SIPA1L1: variants seen among roughly 807,000 people sequenced by gnomAD.
SIPA1L1 encodes signal induced proliferation associated 1 like 1.
SIPA1L1 carries 26 observed loss-of-function variants against 162.7 expected under a neutral mutation model. The observed-to-expected ratio is 0.16, with a 90% CI of 0.12 to 0.22. The LOEUF (loss-of-function observed/expected upper bound fraction) is 0.22. SIPA1L1 is among the 10% of genes least tolerant of loss of function. The pLI is 1.00. For missense variants in SIPA1L1, 1,874 were observed against 2,241.0 expected, an observed-to-expected ratio of 0.84 and a Z score of 3.31; for synonymous variants, 829 against 837.4, an observed-to-expected ratio of 0.99 and a Z score of 0.17.
At chr14:71,513,721 G>A (rs957869251) in intron 3 of SIPA1L1, among the ~76,000 whole-genome samples, 5 of 152,040 alleles carry the variant, frequency 3.3e-5, no homozygotes, top group Non-Finnish European at 7.4e-5. Flanking sequence ...TCAAACACCC[G>A]AGCTCTAGTG....
intron 4 of SIPA1L1, among the ~76,000 whole-genome samples, chr14:71,564,367 T>C (rs1216588693): frequency 5.5e-5 from 8 of 144,254 alleles, no homozygotes. Context: ...CTTTTTCTTC[T>C]TTTTTTTTTT....
At chr14:71,376,967 CTT>C (rs751394080) in intron 2 of SIPA1L1, among the ~76,000 whole-genome samples, 1 of 152,216 alleles carries the variant, frequency 6.6e-6, no homozygotes, top group Non-Finnish European at 1.5e-5. Flanking sequence ...TCTGATCTCT[CTT>C]TCTTTTCCCC....
intron 16 of SIPA1L1, 34 bp downstream of exon 16, chr14:71,705,374 T>C (rs1270102582): frequency 5.6e-6 from 8 of 1,418,760 alleles, no homozygotes; most frequent in African/African-American, 1.4e-5. Flanking sequence ...AAGTATTAGA[T>C]TCCTAGCAGT....
chr14:71,693,470 G>T (rs1036840294), intron 13 of SIPA1L1, among the ~76,000 whole-genome samples: 11 of 152,082 alleles, frequency 7.2e-5, no homozygotes, highest in Middle Eastern at 3.2e-3. Flanking sequence ...CTGCACTCCA[G>T]CCTGGGAGAC....
At chr14:71,485,965 T>A (rs999996785) in intron 2 of SIPA1L1, among the ~76,000 whole-genome samples, 5 of 152,190 alleles carry the variant, frequency 3.3e-5, no homozygotes, top group Non-Finnish European at 7.3e-5. Context: ...GATCTTTCTG[T>A]TGGCCCTACT....
intron 4 of SIPA1L1, among the ~76,000 whole-genome samples, chr14:71,544,375 TTC>T (rs1399663396): frequency 6.6e-6 from 1 of 152,048 alleles, no homozygotes; most frequent in African/African-American, 2.4e-5. Flanking sequence ...TATATATGAT[TTC>T]TTTGTCAGAT....
intron 13 of SIPA1L1, among the ~76,000 whole-genome samples, chr14:71,692,739 T>C (rs2081337214): frequency 6.6e-6 from 1 of 152,234 alleles, no homozygotes; most frequent in African/African-American, 2.4e-5. Context: ...GCTCTTCAGT[T>C]ACTTACTCAT....
intron 4 of SIPA1L1, among the ~76,000 whole-genome samples, chr14:71,580,847 A>C (rs2033827832): frequency 6.6e-6 from 1 of 152,200 alleles, no homozygotes; most frequent in Non-Finnish European, 1.5e-5. Context: ...GTTTCTGATT[A>C]TGAAGGTGAC....
intron 2 of SIPA1L1, among the ~76,000 whole-genome samples, chr14:71,358,292 A>C (rs1021254245): frequency 4.6e-5 from 7 of 152,216 alleles, no homozygotes; most frequent in Admixed American, 1.3e-4. Context: ...AAGCATACCT[A>C]ATTGAAGTTG....
chr14:71,658,930 A>C (rs1448352667), intron 9 of SIPA1L1, among the ~76,000 whole-genome samples: 1 of 152,250 alleles, frequency 6.6e-6, no homozygotes, highest in Non-Finnish European at 1.5e-5. Context: ...CAAAGAACAT[A>C]AATAACAATT....
chr14:71,471,253 G>C (rs2047434667), intron 2 of SIPA1L1, among the ~76,000 whole-genome samples: 1 of 152,048 alleles, frequency 6.6e-6, no homozygotes, highest in Non-Finnish European at 1.5e-5. Flanking sequence ...GGCAGATCAC[G>C]AGATCAAGAG....
chr14:71,526,759 A>G (rs2052920729), intron 3 of SIPA1L1, among the ~76,000 whole-genome samples: 1 of 152,184 alleles, frequency 6.6e-6, no homozygotes, highest in African/African-American at 2.4e-5. Flanking sequence ...CTGCTCTATA[A>G]TATTCCATTA....
intron 4 of SIPA1L1, among the ~76,000 whole-genome samples, chr14:71,565,747 T>C (rs927826556): frequency 1.3e-5 from 2 of 152,144 alleles, no homozygotes; most frequent in Non-Finnish European, 1.5e-5. Context: ...ATAAAAATTA[T>C]GGGGTGTATG....
intron 6 of SIPA1L1, among the ~76,000 whole-genome samples, chr14:71,623,543 G>A (rs1241330866): frequency 2.6e-5 from 4 of 152,160 alleles, no homozygotes; most frequent in Admixed American, 6.5e-5. Flanking sequence ...ATAATTGTCC[G>A]GTGGCAGCAG....
In SIPA1L1 at chr14:71,445,737, A is replaced by G. The variant is rs540928533; in HGVS notation, c.-464-67006A>G. On this transcript the variant is annotated intron_variant, in intron 2 of 23. Coordinates refer to ENST00000381232, the MANE Select transcript of SIPA1L1 (RefSeq NM_001386936.1). ...TTACTCGAATTACTACTTTTGCAAAATACATCTTCTCTTTCAGTTATTGTA... is the reference window on the plus strand; with the variant it reads ...TTACTCGAATTACTACTTTTGCAAAGTACATCTTCTCTTTCAGTTATTGTA... Among the ~76,000 whole-genome samples, 12 of 152,378 alleles carry G rather than the reference A, an allele frequency of 7.9e-5. No individual in the cohort carries two copies. In the South Asian group the frequency reaches 2.5e-3, roughly 32 times the overall value.
At position 71,588,063 on chromosome 14, in the gene SIPA1L1, A is replaced by G. The variant is rs767590237; in HGVS notation, c.191A>G (p.His64Arg). 1.9e-6 allele frequency: 3 copies of G among 1,614,158 alleles called. No homozygotes were observed. The highest frequency in any genetic ancestry group is 1.3e-5 in the African/African-American group (1 of 75,062). The change falls in exon 5 of 24, where the codon CAT becomes CGT. Residue 64 changes from histidine to arginine, a missense_variant. Physicochemically the swap from His to Arg is conservative, Grantham distance 29. Around this residue, in one of 5 missense-constraint regions of SIPA1L1, gnomAD observed 685 missense variants for 828.0 expected, o/e 0.83. Transcript: ENST00000381232. This position sits in a 1 kb window ranked among gnomAD's most constrained non-coding sequence, Gnocchi z 4.3. ...VGPPRSEGSH[H>R]ITSTPGVPKM... is the part of the protein sequence containing the mutation. Reference sequence around the variant, plus strand: ...CCCCCCCGAAGTGAAGGTTCTCACCATATAACCTCAACCCCCGGAGTCCCA... The same window carrying G: ...CCCCCCCGAAGTGAAGGTTCTCACCGTATAACCTCAACCCCCGGAGTCCCA...
chr14:71,427,946 T>G (rs2043700815), intron 2 of SIPA1L1, among the ~76,000 whole-genome samples: 1 of 152,108 alleles, frequency 6.6e-6, no homozygotes, highest in South Asian at 2.1e-4. Context: ...TTTTCCTGTT[T>G]GTGTTTCTTG....
intron 5 of SIPA1L1, among the ~76,000 whole-genome samples, chr14:71,600,871 C>T (rs2036659664): frequency 6.6e-6 from 1 of 151,846 alleles, no homozygotes; most frequent in African/African-American, 2.4e-5. Context: ...GATGGGATTG[C>T]CTTCTTGATT....
At chr14:71,689,349 T>G (rs2081090602) in intron 13 of SIPA1L1, among the ~76,000 whole-genome samples, 1 of 152,240 alleles carries the variant, frequency 6.6e-6, no homozygotes, top group African/African-American at 2.4e-5. Flanking sequence ...GCTTTCTGAT[T>G]ACAGAATTTT....
Sources: gnomAD v4.1 joint callset for allele counts (sites outside exome capture counted in the v4.1 genomes callset) on GRCh38, gnomAD v4.1.1 for gene constraint, gnomAD v4.1.1 regional missense constraint, Gnocchi (gnomAD v3.1) non-coding constraint, MANE v1.5 for transcripts, NCBI Gene and HGNC (gene_info 2026-07-23, HGNC 2026-07-21) for gene names.